Variants in NXN observed in about 807,000 individuals in gnomAD.
The protein encoded by NXN is nucleoredoxin 1.
Under a neutral mutation model 48.6 loss-of-function variants are expected in NXN, and 16 were observed. That is an observed-to-expected ratio of 0.33 (90% CI 0.22 to 0.50). The LOEUF (loss-of-function observed/expected upper bound fraction) is 0.50. Among genes scored for constraint, NXN ranks in the 20% least tolerant of loss-of-function variants. NXN has a pLI of 0.98. For synonymous variants in NXN, 281 were observed against 269.6 expected, an observed-to-expected ratio of 1.04 and a Z score of -0.41; for missense variants, 492 against 605.5, an observed-to-expected ratio of 0.81 and a Z score of 1.97.
At chr17:875,887 T>C (rs970699316) in intron 1 of NXN, among the ~76,000 whole-genome samples, 1 of 152,116 alleles carries the variant, frequency 6.6e-6, no homozygotes, top group African/African-American at 2.4e-5. Flanking sequence ...GTTGGCTACT[T>C]TCAAAAGCTT....
At chr17:861,444 C>G (rs1025936308) in intron 1 of NXN, among the ~76,000 whole-genome samples, 4 of 152,022 alleles carry the variant, frequency 2.6e-5, no homozygotes, top group African/African-American at 9.7e-5. Context: ...ATTCTTTGCT[C>G]TTTCTATTGA....
rs1279922325 is a variant in NXN, at chr17:849,213, T to C, written c.361-23135A>G. Among the ~76,000 whole-genome samples the C allele has an allele frequency of 6.6e-6, 1 of 151,910 alleles. No individual in the cohort carries two copies. The highest frequency in any genetic ancestry group is 1.5e-5 in the Non-Finnish European group (1 of 67,992). On this transcript the variant is annotated intron_variant, in intron 1 of 7. Coordinates refer to ENST00000336868, the MANE Select transcript of NXN (RefSeq NM_022463.5). This position sits in a 1 kb window ranked among gnomAD's most constrained non-coding sequence, Gnocchi z 4.2. ...CGCTCTCTCCTGGAAGTTCAGAAAG[T>C]GGATACAAAGACGGATTCACTAAGA... is the stretch of plus-strand genomic sequence containing the variant.
chr17:834,319 C>T (rs1913665880), intron 1 of NXN, among the ~76,000 whole-genome samples: 1 of 152,174 alleles, frequency 6.6e-6, no homozygotes, highest in Admixed American at 6.6e-5. Context: ...AAGACCCTGT[C>T]TCAAAAGGGC....
intron 1 of NXN, among the ~76,000 whole-genome samples, chr17:927,719 G>A (rs1049624519): frequency 5.9e-5 from 9 of 152,126 alleles, no homozygotes; most frequent in East Asian, 1.9e-4. Context: ...GGCATACTCC[G>A]TGGGAGACGG....
chr17:894,996 T>A, intron 1 of NXN, among the ~76,000 whole-genome samples: 1 of 1,358 alleles, frequency 7.4e-4, no homozygotes, highest in Non-Finnish European at 1.6e-3. Flanking sequence ...ACCCTTTCCT[T>A]TTTTTTTTTT....
At chr17:824,036 A>AT (rs11345667) in intron 2 of NXN, among the ~76,000 whole-genome samples, 189 of 116,778 alleles carry the variant, frequency 1.6e-3, no homozygotes, top group African/African-American at 2.7e-3. Context: ...TTCCAGGGAC[A>AT]TTTTTTTTTT....
At chr17:888,327 T>TCC (rs367768750) in intron 1 of NXN, among the ~76,000 whole-genome samples, 2 of 152,136 alleles carry the variant, frequency 1.3e-5, no homozygotes, top group Admixed American at 1.3e-4. Flanking sequence ...CAAGCGATCC[T>TCC]CCCACCTCAG....
At chr17:855,924 G>A (rs998347812) in intron 1 of NXN, among the ~76,000 whole-genome samples, 13 of 152,244 alleles carry the variant, frequency 8.5e-5, no homozygotes, top group East Asian at 3.9e-4. Flanking sequence ...GCCGGGTGCC[G>A]TGGCTCGCAC....
chr17:943,683 T>C (rs773273146), intron 1 of NXN, among the ~76,000 whole-genome samples: 2 of 151,200 alleles, frequency 1.3e-5, no homozygotes, highest in Non-Finnish European at 3.0e-5. Context: ...TTAACCGGGC[T>C]TGGTGATGCA....
chr17:829,155 A>AG (rs1913309279), intron 1 of NXN, among the ~76,000 whole-genome samples: 1 of 105,340 alleles, frequency 9.5e-6, no homozygotes, highest in Non-Finnish European at 1.9e-5. Flanking sequence ...TTTTTTTTTT[A>AG]GGGGGGCGGG....
intron 1 of NXN, among the ~76,000 whole-genome samples, chr17:828,022 T>C (rs1244529380): frequency 6.6e-6 from 1 of 152,198 alleles, no homozygotes; most frequent in Non-Finnish European, 1.5e-5. Context: ...CTGCATGTTT[T>C]TCCCAGCCCC....
chr17:801,440 A>ATTTT (rs773810580), intron 7 of NXN, among the ~76,000 whole-genome samples: 9 of 84,422 alleles, frequency 1.1e-4, no homozygotes, highest in South Asian at 3.7e-4. Flanking sequence ...GAAATGTCAC[A>ATTTT]TTCTTTTTTT....
rs182294131 is a variant in NXN, at chr17:866,281, G to A, written c.361-40203C>T. Among the ~76,000 whole-genome samples, 5 of 151,910 alleles carry A rather than the reference G, an allele frequency of 3.3e-5. No individual in the cohort carries two copies. The East Asian group carries it at 9.7e-4, about 30-fold the overall frequency. On this transcript the variant is annotated intron_variant, in intron 1 of 7. Coordinates refer to ENST00000336868, the MANE Select transcript of NXN (RefSeq NM_022463.5). ...AAATGCACAGAAGATATTTCAGAAG[G>A]ATGTATATAAGAAACTTAAGGCTGG...
chr17:976,628 C>A (rs2069461777), intron 1 of NXN, among the ~76,000 whole-genome samples: 1 of 152,174 alleles, frequency 6.6e-6, no homozygotes. Context: ...AGAACTCCGG[C>A]TCTTCACTTG....
At position 841,394 on chromosome 17, in the gene NXN, G is replaced by C. The variant is rs867422130; in HGVS notation, c.361-15316C>G. On this transcript the variant is annotated intron_variant, in intron 1 of 7. Transcript: ENST00000336868. The stretch of plus-strand genomic sequence containing the variant: ...GCCCACACACGGTGCATCTCACGCC[G>C]GCGAGCAGGTCCCCCCTGACCACGG... Among the ~76,000 whole-genome samples, 43 of 87,274 alleles carry C rather than the reference G, an allele frequency of 4.9e-4. 1 individual carries two copies. The highest frequency in any genetic ancestry group is 1.5e-3 in the East Asian group (5 of 3,272). The allele number at this position is 87,274 out of a possible 152,430, so 57.3% of individuals were successfully genotyped here.
intron 1 of NXN, among the ~76,000 whole-genome samples, chr17:931,107 C>A (rs2068848645): frequency 6.6e-6 from 1 of 152,068 alleles, no homozygotes; most frequent in African/African-American, 2.4e-5. Context: ...CGATCTCTAG[C>A]CTAGCAGAAA....
rs1260441283 is a variant in NXN at position 978,884 on chromosome 17, G to A, written c.360+435C>T. Among the ~76,000 whole-genome samples the A allele has an allele frequency of 2.0e-5, 3 of 151,502 alleles. No individual in the cohort carries two copies. On this transcript the variant is annotated intron_variant, in intron 1 of 7. Coordinates refer to ENST00000336868, the MANE Select transcript of NXN (RefSeq NM_022463.5). This position sits in a 1 kb window ranked among gnomAD's most constrained non-coding sequence, Gnocchi z 4.1. ...ACTGTGGGAATCCGCGGGGGTCGGC[G>A]GCGGAGGCAGGAAGGGCCTGGCGCC...
At chr17:841,073 C>T (rs1470575571) in intron 1 of NXN, among the ~76,000 whole-genome samples, 1 of 152,214 alleles carries the variant, frequency 6.6e-6, no homozygotes, top group East Asian at 1.9e-4. Flanking sequence ...AGTCTCCCCA[C>T]ACCTCACTCT....
intron 1 of NXN, among the ~76,000 whole-genome samples, chr17:836,794 T>C (rs1227137393): frequency 1.3e-5 from 2 of 152,074 alleles, no homozygotes; most frequent in Admixed American, 1.3e-4. Context: ...GAAATAAGTG[T>C]TAGTTGCTTT....
Sources: gnomAD v4.1 joint callset for allele counts (sites outside exome capture counted in the v4.1 genomes callset) on GRCh38, gnomAD v4.1.1 for gene constraint, Gnocchi (gnomAD v3.1) non-coding constraint, MANE v1.5 for transcripts, NCBI Gene and HGNC (gene_info 2026-07-23, HGNC 2026-07-21) for gene names.